Variants in NEIL3 observed in about 807,000 individuals in gnomAD.
NEIL3 encodes the protein endonuclease 8-like 3.
Under a neutral mutation model 57.5 loss-of-function variants are expected in NEIL3, and 48 were observed. That is an observed-to-expected ratio of 0.83 (90% CI 0.66 to 1.06). The LOEUF (loss-of-function observed/expected upper bound fraction) is 1.06. Among genes scored for constraint, NEIL3 ranks in the 50% least tolerant of loss-of-function variants. The pLI, the probability that NEIL3 is intolerant of heterozygous loss-of-function variation, is 0.00. For synonymous variants in NEIL3, 261 were observed against 253.2 expected, an observed-to-expected ratio of 1.03 and a Z score of -0.29; for missense variants, 717 against 739.1, an observed-to-expected ratio of 0.97 and a Z score of 0.35.
At chr4:177,355,856 T>G (rs1039758321) in intron 8 of NEIL3, among the ~76,000 whole-genome samples, 24 of 152,218 alleles carry the variant, frequency 1.6e-4, no homozygotes, top group African/African-American at 5.3e-4. Flanking sequence ...TGATGATTTA[T>G]CCTTGACTGG....
downstream of NEIL3, among the ~76,000 whole-genome samples, chr4:177,363,167 A>G (rs992709656): frequency 3.0e-4 from 45 of 152,234 alleles, no homozygotes; most frequent in African/African-American, 9.6e-4. Context: ...TTTAAATTTT[A>G]GCACAGATCA....
intron 8 of NEIL3, among the ~76,000 whole-genome samples, chr4:177,355,770 T>C (rs1735459342): frequency 6.6e-6 from 1 of 152,208 alleles, no homozygotes; most frequent in Admixed American, 6.5e-5. Context: ...TAACAAATTC[T>C]GAGACAGTCT....
At chr4:177,333,774 CTTTAAA>C (rs1420486245) in intron 2 of NEIL3, among the ~76,000 whole-genome samples, 26 of 152,132 alleles carry the variant, frequency 1.7e-4, no homozygotes, top group Non-Finnish European at 3.4e-4. Context: ...GGTCCTACGT[CTTTAAA>C]TTCATCAGAA....
At chr4:177,346,220 G>A (rs1047938588) in intron 6 of NEIL3, among the ~76,000 whole-genome samples, 1 of 152,070 alleles carries the variant, frequency 6.6e-6, no homozygotes, top group Non-Finnish European at 1.5e-5. Context: ...AGACAGGAGT[G>A]CAGTGGAGTG....
chr4:177,339,895 T>G, intron 5 of NEIL3, 38 bp downstream of exon 5: 1 of 1,392,550 alleles, frequency 7.2e-7, no homozygotes, highest in Non-Finnish European at 1.0e-6. Flanking sequence ...AAATGTAAAA[T>G]GTCAGTGGTT....
At chr4:177,330,832 TCTA>T (rs1734871413) in intron 2 of NEIL3, among the ~76,000 whole-genome samples, 1 of 152,220 alleles carries the variant, frequency 6.6e-6, no homozygotes, top group South Asian at 2.1e-4. Flanking sequence ...GTCTTCAAAA[TCTA>T]CTGTGTATTT....
chr4:177,331,480 G>T (rs1246143555), intron 2 of NEIL3, among the ~76,000 whole-genome samples: 2 of 151,124 alleles, frequency 1.3e-5, no homozygotes, highest in Non-Finnish European at 2.9e-5. Flanking sequence ...ATTTGATTAA[G>T]AATCAATATT....
chr4:177,325,892 A>G (rs1033427532), intron 2 of NEIL3, among the ~76,000 whole-genome samples: 14 of 152,146 alleles, frequency 9.2e-5, no homozygotes, highest in East Asian at 3.9e-4. Context: ...TTTATTGGAT[A>G]TATTTTTGTA....
At chr4:177,316,142 G>T (rs995701166) in intron 1 of NEIL3, among the ~76,000 whole-genome samples, 2 of 152,168 alleles carry the variant, frequency 1.3e-5, no homozygotes, top group Admixed American at 6.5e-5. Context: ...ATGACATACT[G>T]TAATAAAAGT....
At chr4:177,314,750 C>T (rs1734541251) in intron 1 of NEIL3, among the ~76,000 whole-genome samples, 1 of 151,950 alleles carries the variant, frequency 6.6e-6, no homozygotes, top group African/African-American at 2.4e-5. Context: ...TCTTTGATGA[C>T]TTCGATTGGT....
intron 6 of NEIL3, among the ~76,000 whole-genome samples, chr4:177,348,500 T>A (rs1339844212): frequency 6.6e-6 from 1 of 152,098 alleles, no homozygotes; most frequent in Admixed American, 6.6e-5. Context: ...AGGGCAATAG[T>A]TTCCCTGGGC....
rs115285587 is a variant in NEIL3 at position 177,322,483 on chromosome 4, A to G, written c.181A>G (p.Ser61Gly). ...PQAAALNNDS[S>G]QNVLSLFNGY... ...GGCTGCTGCACTGAATAATGATTCC[A>G]GCCAGAATGTCTTGAGCCTGTTTAA... The change falls in exon 2 of 10, where the codon AGC (serine) becomes GGC (glycine). Residue 61 changes from serine (S) to glycine (G), a missense_variant. Physicochemically the swap from Ser to Gly is moderately conservative, Grantham distance 56 (BLOSUM62 0). Coordinates refer to ENST00000264596, the MANE Select transcript of NEIL3 (RefSeq NM_018248.3). 6.2e-7 allele frequency: 1 copy of G among 1,613,984 alleles called. No individual in the cohort carries two copies. Among genetic ancestry groups the G allele is most frequent in the African/African-American group, 1.3e-5 (1 of 75,054 alleles).
intron 1 of NEIL3, among the ~76,000 whole-genome samples, chr4:177,313,206 A>G (rs1006320445): frequency 2.6e-5 from 4 of 152,228 alleles, no homozygotes; most frequent in African/African-American, 9.6e-5. Flanking sequence ...AAATATTTAA[A>G]CCTCAGATAA....
intron 8 of NEIL3, among the ~76,000 whole-genome samples, chr4:177,358,290 A>T (rs1048642279): frequency 3.3e-5 from 5 of 151,896 alleles, no homozygotes; most frequent in Admixed American, 6.6e-5. Context: ...ACACGTGGCT[A>T]TGTTTTTGTT....
downstream of NEIL3, chr4:177,363,012 G>A (rs904139195): frequency 1.3e-5 from 2 of 152,178 alleles, no homozygotes; most frequent in South Asian, 2.1e-4. Context: ...GCCAAACCTT[G>A]TATGACTTCA....
intron 4 of NEIL3, among the ~76,000 whole-genome samples, chr4:177,336,672 A>C (rs1173988241): frequency 6.6e-6 from 1 of 152,208 alleles, no homozygotes. Flanking sequence ...ACAGTCTCAA[A>C]AGGAAACAAG....
At chr4:177,367,279 A>G (rs1301423624), downstream of NEIL3, among the ~76,000 whole-genome samples, 1 of 152,046 alleles carries the variant, frequency 6.6e-6, no homozygotes, top group Non-Finnish European at 1.5e-5. Flanking sequence ...TTAATCTTCT[A>G]TCTTAGCATG....
chr4:177,326,693 A>G (rs1004285518), intron 2 of NEIL3, among the ~76,000 whole-genome samples: 1 of 152,084 alleles, frequency 6.6e-6, no homozygotes, highest in Non-Finnish European at 1.5e-5. Context: ...AACACAGTAT[A>G]TATTAATATG....
chr4:177,352,358 AAC>A (rs1735374513), intron 7 of NEIL3, among the ~76,000 whole-genome samples: 1 of 152,202 alleles, frequency 6.6e-6, no homozygotes. Flanking sequence ...CCCATGGAAA[AAC>A]ACAATCTTAG....
Sources: gnomAD v4.1 joint callset for allele counts (sites outside exome capture counted in the v4.1 genomes callset) on GRCh38, gnomAD v4.1.1 for gene constraint, MANE v1.5 for transcripts, NCBI Gene and HGNC (gene_info 2026-07-23, HGNC 2026-07-21) for gene names.